PTPA: variants seen among roughly 807,000 people sequenced by gnomAD.
The protein encoded by PTPA is protein phosphatase 2 phosphatase activator, also known as serine/threonine-protein phosphatase 2A activator.
A neutral mutation model predicts 43.6 loss-of-function variants in PTPA; 13 were observed. That is an observed-to-expected ratio of 0.30 (90% CI 0.19 to 0.47). The LOEUF (loss-of-function observed/expected upper bound fraction) is 0.47. PTPA is among the 20% of genes least tolerant of loss of function. The probability of loss-of-function intolerance (pLI) is 0.99; values close to 1 mark genes in which losing one functional copy is unlikely to be tolerated. For synonymous variants in PTPA, 172 were observed against 158.2 expected (o/e 1.09, Z -0.66); for missense variants, 329 against 411.9 (o/e 0.80, Z 1.74).
At chr9:129,141,680 C>T (rs1035672369) in intron 8 of PTPA, 1 of 152,218 alleles carries the variant, frequency 6.6e-6, no homozygotes, top group Non-Finnish European at 1.5e-5. Flanking sequence ...AGAGGGAGGA[C>T]CAGGAATGGA....
intron 1 of PTPA, among the ~76,000 whole-genome samples, chr9:129,115,288 G>A (rs1848792871): frequency 1.3e-5 from 2 of 152,098 alleles, no homozygotes; most frequent in South Asian, 4.1e-4. Flanking sequence ...TAGCAGTTTT[G>A]GGTTCTGGGA....
chr9:129,130,573 A>G (rs377603652), intron 4 of PTPA, among the ~76,000 whole-genome samples: 1 of 152,022 alleles, frequency 6.6e-6, no homozygotes, highest in East Asian at 1.9e-4. Flanking sequence ...TTGTGTTTTT[A>G]GTAGAGACGG....
At chr9:129,136,662 C>T (rs1457690771) in intron 7 of PTPA, 67 bp downstream of exon 7, 3 of 1,499,274 alleles carry the variant, frequency 2.0e-6, no homozygotes, top group Non-Finnish European at 2.7e-6. Flanking sequence ...CCCTCCCCTG[C>T]CCCTCCTGCG....
chr9:129,146,938 T>A (rs896887367), intron 9 of PTPA, among the ~76,000 whole-genome samples: 4 of 152,220 alleles, frequency 2.6e-5, no homozygotes, highest in Non-Finnish European at 4.4e-5. Context: ...CCAAGATGCC[T>A]TTTTCAGTCC....
At position 129,142,538 on chromosome 9, in the gene PTPA, A is replaced by G. The variant is rs1336655917; in HGVS notation, c.880A>G (p.Met294Val). 1.2e-6 allele frequency: 2 copies of G among 1,614,074 alleles called. No individual in the cohort carries two copies. Among genetic ancestry groups the G allele is most frequent in the African/African-American group, 1.3e-5 (1 of 75,000 alleles). ...CAAAGTGAACCAGGGTCTCATCCGCATGTATAAGGCCGAGGTGAGTGGGGG... is the reference window on the plus strand; with the variant it reads ...CAAAGTGAACCAGGGTCTCATCCGCGTGTATAAGGCCGAGGTGAGTGGGGG... ...WSKVNQGLIR[M>V]YKAECLEKFP... Residue 294 changes from methionine (M) to valine (V), a missense_variant, in exon 9 of 10, where the codon ATG (methionine) becomes GTG (valine). Met to Val is a conservative substitution (Grantham distance 21). Transcript: ENST00000393370.
chr9:129,142,614 A>G, intron 9 of PTPA, 62 bp downstream of exon 9: 1 of 1,601,656 alleles, frequency 6.2e-7, no homozygotes, highest in Non-Finnish European at 8.5e-7. Flanking sequence ...GGCTGGGGAC[A>G]AAGCAAAAGA....
intron 8 of PTPA, among the ~76,000 whole-genome samples, chr9:129,138,654 G>A (rs556357464): frequency 2.0e-5 from 3 of 152,336 alleles, no homozygotes; most frequent in African/African-American, 7.2e-5. Flanking sequence ...TAGCAGGCCT[G>A]TGGATGCTGG....
chr9:129,124,282 A>G (rs981441952), intron 3 of PTPA, among the ~76,000 whole-genome samples: 1 of 152,120 alleles, frequency 6.6e-6, no homozygotes, highest in Non-Finnish European at 1.5e-5. Context: ...GGGCTCAAGC[A>G]GTCCTCCTGC....
chr9:129,120,711 C>A, intron 2 of PTPA, 101 bp downstream of exon 2: 3 of 1,026,420 alleles, frequency 2.9e-6, no homozygotes, highest in Non-Finnish European at 4.4e-6. Flanking sequence ...CTCTTGGAGC[C>A]TGACTTTTCA....
At chr9:129,139,134 C>CT (rs1020411862) in intron 8 of PTPA, among the ~76,000 whole-genome samples, 4 of 152,228 alleles carry the variant, frequency 2.6e-5, no homozygotes. Flanking sequence ...GGCCAGGCCT[C>CT]TGGGTCCCTG....
intron 2 of PTPA, among the ~76,000 whole-genome samples, chr9:129,121,033 G>C (rs1466814351): frequency 4.6e-5 from 7 of 152,200 alleles, no homozygotes; most frequent in Non-Finnish European, 1.5e-5. Flanking sequence ...GGCTAAGCCT[G>C]CAAATACCTG....
chr9:129,125,733 C>T (rs1291524139), intron 3 of PTPA, among the ~76,000 whole-genome samples: 2 of 152,160 alleles, frequency 1.3e-5, no homozygotes, highest in African/African-American at 2.4e-5. Flanking sequence ...TGAGATCCCA[C>T]GAGTAGTGGT....
At chr9:129,130,681 C>G (rs537752479) in intron 4 of PTPA, among the ~76,000 whole-genome samples, 41 of 152,330 alleles carry the variant, frequency 2.7e-4, no homozygotes, top group Middle Eastern at 6.8e-3. Context: ...GTGTGAGCCA[C>G]TGCTCCCAGC....
intron 4 of PTPA, 114 bp from the exon 5 acceptor site, chr9:129,131,408 C>T (rs780427678): frequency 6.7e-5 from 57 of 853,314 alleles, no homozygotes; most frequent in Non-Finnish European, 1.1e-4. Context: ...GAACAGGAAC[C>T]AAGCTGGCCT....
chr9:129,120,283 G>A (rs1849163118), intron 1 of PTPA, among the ~76,000 whole-genome samples: 1 of 151,724 alleles, frequency 6.6e-6, no homozygotes, highest in Admixed American at 6.6e-5. Flanking sequence ...AATTAGCTGG[G>A]TGTGGTGGCA....
At chr9:129,138,502 T>C (rs546555057) in intron 8 of PTPA, among the ~76,000 whole-genome samples, 42 of 152,140 alleles carry the variant, frequency 2.8e-4, no homozygotes, top group Non-Finnish European at 5.0e-4. Context: ...GTGTTAGGAC[T>C]TCTCATCCTC....
chr9:129,121,616 G>A (rs1000504033), intron 2 of PTPA, among the ~76,000 whole-genome samples: 1 of 152,174 alleles, frequency 6.6e-6, no homozygotes, highest in Admixed American at 6.5e-5. Flanking sequence ...GTAGGAGGCC[G>A]TCCTGTGCCA....
intron 5 of PTPA, among the ~76,000 whole-genome samples, chr9:129,134,186 A>T (rs1850188860): frequency 6.6e-6 from 1 of 151,756 alleles, no homozygotes; most frequent in African/African-American, 2.4e-5. Flanking sequence ...CTGCTTACAT[A>T]GTAGGTGCTC....
At chr9:129,129,626 C>T (rs1172513336) in intron 4 of PTPA, among the ~76,000 whole-genome samples, 12 of 152,038 alleles carry the variant, frequency 7.9e-5, no homozygotes, top group African/African-American at 2.7e-4. Context: ...CCCACCACCA[C>T]GCCCGGCTAA....
Sources: allele counts gnomAD v4.1 joint callset (sites outside exome capture counted in the v4.1 genomes callset), GRCh38; gene constraint gnomAD v4.1.1; transcripts MANE v1.5; gene names NCBI Gene and HGNC (gene_info 2026-07-23, HGNC 2026-07-21).